Variants in SLC4A4 observed in about 807,000 individuals in gnomAD.
SLC4A4 encodes solute carrier family 4 member 4.
A neutral mutation model predicts 111.5 loss-of-function variants in SLC4A4; 27 were observed. That is an observed-to-expected ratio of 0.24 (90% CI 0.18 to 0.33). The LOEUF is 0.33. SLC4A4 is among the 10% of genes least tolerant of loss of function. SLC4A4 has a pLI of 1.00. For missense variants in SLC4A4, 909 were observed against 1,315.5 expected (o/e 0.69, Z 4.78); for synonymous variants, 443 against 463.4 (o/e 0.96, Z 0.57).
Position 71,451,272 on chromosome 4 carries a change from G to A in SLC4A4, c.1293G>A (p.Gly431=). Residue 431 remains glycine, a synonymous_variant, in exon 11 of 26, where the codon GGG becomes GGA. Coordinates refer to ENST00000264485, the MANE Select transcript of SLC4A4 (RefSeq NM_001098484.3). Reference sequence around the variant, plus strand: ...GAGGTCACGGAGGAGGAGGACATGGGGATTGTGAAGAATTGCAGCGAACTG... The same window carrying A: ...GAGGTCACGGAGGAGGAGGACATGGAGATTGTGAAGAATTGCAGCGAACTG... ...HDGGHGGGGH[G]DCEELQRTGR... is the part of the protein sequence containing the mutation. 1 of 1,612,670 alleles carries A rather than the reference G, an allele frequency of 6.2e-7. No homozygotes were observed. Among genetic ancestry groups the A allele is most frequent in the East Asian group, 2.2e-5 (1 of 44,850 alleles).
chr4:71,393,198 C>A (rs1428825991), intron 6 of SLC4A4, among the ~76,000 whole-genome samples: 2 of 151,960 alleles, frequency 1.3e-5, no homozygotes, highest in Non-Finnish European at 2.9e-5. Context: ...TAAATGGCAT[C>A]CAAATCGGTA....
At chr4:71,351,155 G>T (rs1480247846) in intron 5 of SLC4A4, among the ~76,000 whole-genome samples, 1 of 152,196 alleles carries the variant, frequency 6.6e-6, no homozygotes, top group East Asian at 1.9e-4. Context: ...CCTGCACCAT[G>T]AGGTTCAGTG....
chr4:71,201,073 C>T (rs1746226838), intron 1 of SLC4A4, among the ~76,000 whole-genome samples: 1 of 152,130 alleles, frequency 6.6e-6, no homozygotes, highest in South Asian at 2.1e-4. Flanking sequence ...CCTGTCTCTA[C>T]CATTGTCTTA....
intron 7 of SLC4A4, among the ~76,000 whole-genome samples, chr4:71,421,255 T>G (rs1377698263): frequency 3.3e-5 from 5 of 152,102 alleles, no homozygotes; most frequent in Admixed American, 6.5e-5. Flanking sequence ...TTACATAATG[T>G]TAAAGAGATT....
chr4:71,438,545 A>C lies in SLC4A4; in HGVS notation c.808-2071A>C, dbSNP rs548249240. On this transcript the variant is annotated intron_variant, in intron 7 of 25. Coordinates refer to ENST00000264485, the MANE Select transcript of SLC4A4 (RefSeq NM_001098484.3). Reference sequence around the variant, plus strand: ...CAAGTCTTCTGATTTTTCCTTCTTCATGAAAATGATGCATTAAAAATTAAA... The same window carrying C: ...CAAGTCTTCTGATTTTTCCTTCTTCCTGAAAATGATGCATTAAAAATTAAA... Among the ~76,000 whole-genome samples, 5 of 152,334 alleles carry C rather than the reference A, an allele frequency of 3.3e-5. No homozygotes were observed. In the South Asian group the frequency reaches 1.0e-3, roughly 32 times the overall value.
At chr4:71,488,918 G>GCA (rs1729656979) in intron 15 of SLC4A4, among the ~76,000 whole-genome samples, 1 of 151,226 alleles carries the variant, frequency 6.6e-6, no homozygotes, top group African/African-American at 2.4e-5. Context: ...GTGTGTGTGT[G>GCA]TGTGTGTGTG....
intron 6 of SLC4A4, among the ~76,000 whole-genome samples, chr4:71,361,698 C>G (rs1260737292): frequency 6.6e-6 from 1 of 152,092 alleles, no homozygotes; most frequent in African/African-American, 2.4e-5. Flanking sequence ...TCATATGATT[C>G]TACCTAATAA....
At chr4:71,236,767 A>G (rs769161202) in intron 2 of SLC4A4, 118 bp downstream of exon 2, 2 of 849,706 alleles carry the variant, frequency 2.4e-6, no homozygotes, top group Non-Finnish European at 3.8e-6. Flanking sequence ...CCTTTTCTAT[A>G]GAGTTTCATC....
chr4:71,448,078 G>A (rs1007475816), intron 9 of SLC4A4, among the ~76,000 whole-genome samples: 26 of 152,096 alleles, frequency 1.7e-4, no homozygotes, highest in Non-Finnish European at 3.2e-4. Context: ...CCAGCACTTT[G>A]AGAGGTCGAG....
At chr4:71,485,284 C>G (rs1729268973) in intron 14 of SLC4A4, among the ~76,000 whole-genome samples, 1 of 151,566 alleles carries the variant, frequency 6.6e-6, no homozygotes, top group African/African-American at 2.4e-5. Flanking sequence ...ATATATGTCT[C>G]TTATTATTTT....
At chr4:71,562,525 G>T (rs1275757854) in intron 23 of SLC4A4, among the ~76,000 whole-genome samples, 9 of 151,236 alleles carry the variant, frequency 6.0e-5, no homozygotes, top group African/African-American at 1.2e-4. Context: ...TGTCTTTTTT[G>T]ATCTTTGTTG....
At chr4:71,533,830 A>T (rs1002771966) in intron 17 of SLC4A4, among the ~76,000 whole-genome samples, 1 of 152,132 alleles carries the variant, frequency 6.6e-6, no homozygotes, top group Non-Finnish European at 1.5e-5. Context: ...CTTTTTACTG[A>T]ATTTCTTGCT....
At chr4:71,454,980 C>T (rs942027788) in intron 12 of SLC4A4, among the ~76,000 whole-genome samples, 4 of 152,150 alleles carry the variant, frequency 2.6e-5, no homozygotes, top group Admixed American at 2.0e-4. Context: ...TCTGGATACT[C>T]TCCACACGAC....
At chr4:71,307,649 TAG>T (rs751839686) in intron 3 of SLC4A4, among the ~76,000 whole-genome samples, 85 of 152,274 alleles carry the variant, frequency 5.6e-4, no homozygotes, top group Non-Finnish European at 9.9e-4. Flanking sequence ...TTAGTTTAGA[TAG>T]AGAGTATGGG....
chr4:71,086,466 C>T (rs142405941), intron 1 of SLC4A4, among the ~76,000 whole-genome samples: 1,850 of 152,144 alleles, frequency 0.012, 41 homozygotes, highest in East Asian at 0.043. Flanking sequence ...TGAGAGAGGT[C>T]ATCCGTGTCT....
At chr4:71,254,771 C>A (rs1721320154) in intron 2 of SLC4A4, among the ~76,000 whole-genome samples, 1 of 152,064 alleles carries the variant, frequency 6.6e-6, no homozygotes, top group African/African-American at 2.4e-5. Flanking sequence ...CTAACCCTAC[C>A]CAGTATAATC....
At chr4:71,344,624 C>G (rs1199774797) in intron 4 of SLC4A4, among the ~76,000 whole-genome samples, 1 of 152,150 alleles carries the variant, frequency 6.6e-6, no homozygotes, top group Non-Finnish European at 1.5e-5. Context: ...CCAGACTTCT[C>G]CAGCTCCATG....
At chr4:71,360,949 G>C (rs1022425296) in intron 6 of SLC4A4, among the ~76,000 whole-genome samples, 1 of 152,170 alleles carries the variant, frequency 6.6e-6, no homozygotes, top group Non-Finnish European at 1.5e-5. Flanking sequence ...AGGGAAACAG[G>C]GACTCTCAGC....
At chr4:71,250,343 T>C (rs1041013721) in intron 2 of SLC4A4, among the ~76,000 whole-genome samples, 3 of 152,174 alleles carry the variant, frequency 2.0e-5, no homozygotes, top group African/African-American at 7.2e-5. Context: ...ATCTTTGCTT[T>C]GAACTGGAGA....
Sources: allele counts gnomAD v4.1 joint callset (sites outside exome capture counted in the v4.1 genomes callset), GRCh38; gene constraint gnomAD v4.1.1; transcripts MANE v1.5; gene names NCBI Gene and HGNC (gene_info 2026-07-23, HGNC 2026-07-21).